PDILT: variants seen among roughly 807,000 people sequenced by gnomAD.
The protein encoded by PDILT is protein disulfide-isomerase-like protein of the testis.
A neutral mutation model predicts 53.7 loss-of-function variants in PDILT; 43 were observed. The ratio of observed to expected loss-of-function variants is 0.80; its 90% CI spans 0.63 to 1.03. The LOEUF is 1.03. PDILT is among the 50% of genes least tolerant of loss of function. The pLI is 0.00. For synonymous variants in PDILT, 282 were observed against 274.2 expected (o/e 1.03, Z -0.28); for missense variants, 727 against 712.3 (o/e 1.02, Z -0.24).
intron 5 of PDILT, among the ~76,000 whole-genome samples, chr16:20,374,161 G>A (rs947878687): frequency 2.6e-5 from 4 of 151,416 alleles, no homozygotes; most frequent in Non-Finnish European, 5.9e-5. Context: ...GGCTGGTCTC[G>A]AACCCTAGGC....
chr16:20,394,176 C>A (rs758425387), intron 2 of PDILT, among the ~76,000 whole-genome samples: 1 of 152,134 alleles, frequency 6.6e-6, no homozygotes, highest in Non-Finnish European at 1.5e-5. Context: ...CCAGTGTCCA[C>A]GGGATTTGAG....
chr16:20,399,083 G>A lies in PDILT; in HGVS notation c.202+16C>T. ...CATCCCATCTATCATCCATCACCCA[G>A]GATGGGGGCACTCACGGAAAAGCAC... On this transcript the variant is annotated intron_variant, in intron 2 of 11. Coordinates refer to ENST00000302451, the MANE Select transcript of PDILT (RefSeq NM_174924.2). 1.2e-6 allele frequency: 2 copies of A among 1,614,066 alleles called. No individual in the cohort carries two copies. The highest frequency in any genetic ancestry group is 1.7e-6 in the Non-Finnish European group (2 of 1,179,910).
At chr16:20,390,034 A>C (rs946111983) in intron 2 of PDILT, among the ~76,000 whole-genome samples, 1 of 152,134 alleles carries the variant, frequency 6.6e-6, no homozygotes, top group African/African-American at 2.4e-5. Context: ...ATCTAGTCAA[A>C]TGTCCGTAGG....
In PDILT at chr16:20,393,799, G is replaced by A. The variant is rs139524629; in HGVS notation, c.202+5300C>T. Among the ~76,000 whole-genome samples, 775 of 152,310 alleles carry A rather than the reference G, an allele frequency of 5.1e-3. 15 individuals are homozygous for A. Among genetic ancestry groups the A allele is most frequent in the Admixed American group, 0.04 (612 of 15,298 alleles). On this transcript the variant is annotated intron_variant, in intron 2 of 11. Transcript: ENST00000302451. The stretch of plus-strand genomic sequence containing the variant: ...AGGAATATGGCAAATTGATAAGCAT[G>A]TTCTCTGACCACAAGGAAAAATCAC...
At chr16:20,374,062 G>A (rs976449944) in intron 5 of PDILT, among the ~76,000 whole-genome samples, 1 of 151,938 alleles carries the variant, frequency 6.6e-6, no homozygotes, top group South Asian at 2.1e-4. Context: ...TCCTGCCTGA[G>A]CTTGCTGAGT....
At chr16:20,393,231 G>C (rs1966626658) in intron 2 of PDILT, among the ~76,000 whole-genome samples, 1 of 152,160 alleles carries the variant, frequency 6.6e-6, no homozygotes, top group Non-Finnish European at 1.5e-5. Context: ...GGGATGTGCA[G>C]AACTAGCTGG....
intron 3 of PDILT, among the ~76,000 whole-genome samples, chr16:20,380,889 G>A (rs1242850228): frequency 3.3e-5 from 5 of 152,214 alleles, no homozygotes; most frequent in African/African-American, 7.2e-5. Context: ...CTGTGGGACC[G>A]AGGTAGTTAT....
intron 8 of PDILT, among the ~76,000 whole-genome samples, chr16:20,365,995 C>A (rs1966186128): frequency 6.8e-6 from 1 of 147,508 alleles, no homozygotes; most frequent in South Asian, 2.1e-4. Context: ...GAGGCTGAGG[C>A]AAGAGAATTG....
rs1567320279 is a variant in PDILT at position 20,366,961 on chromosome 16, TTCCTTCCTTCCTTCCTTCCTTC to T, written c.1117-1443_1117-1422del. Among the ~76,000 whole-genome samples, 98 of 143,622 alleles carry T rather than the reference TTCCTTCCTTCCTTCCTTCCTTC, an allele frequency of 6.8e-4. 3 individuals are homozygous for T. The highest frequency in any genetic ancestry group is 2.1e-3 in the African/African-American group (79 of 37,264). The allele number at this position is 143,622 out of a possible 152,430, so 94.2% of individuals were successfully genotyped here. ...TTTCCTTCCTTCCTTCCTTCCTTCC[TTCCTTCCTTCCTTCCTTCCTTC>T]CTTCCTTTCTTTCTTTCTTTATTTA... On this transcript the variant is annotated intron_variant, in intron 8 of 11. Coordinates refer to ENST00000302451, the MANE Select transcript of PDILT (RefSeq NM_174924.2).
rs776061014 is a variant in PDILT, at chr16:20,399,248, ACAG to A, written c.50_52del (p.Ala17del). On this transcript the variant is annotated inframe_deletion, in exon 2 of 12. Coordinates refer to ENST00000302451, the MANE Select transcript of PDILT (RefSeq NM_174924.2). ...GGCGTTAACCTCTGGTGAGCTGTGG[ACAG>A]CAGAGACACAAGCGGCCACCAGCAG... 2 of 1,614,096 alleles carry A rather than the reference ACAG, an allele frequency of 1.2e-6. No homozygotes were observed. The highest frequency in any genetic ancestry group is 1.7e-6 in the Non-Finnish European group (2 of 1,179,942).
chr16:20,372,492 C>T (rs1460946791), intron 7 of PDILT, among the ~76,000 whole-genome samples: 1 of 152,168 alleles, frequency 6.6e-6, no homozygotes, highest in Non-Finnish European at 1.5e-5. Flanking sequence ...ATGGAGTCCA[C>T]TTAGTGGTCC....
At chr16:20,383,817 C>A (rs1360553664) in intron 3 of PDILT, among the ~76,000 whole-genome samples, 4 of 152,184 alleles carry the variant, frequency 2.6e-5, no homozygotes, top group Non-Finnish European at 4.4e-5. Flanking sequence ...TCCTTCCATC[C>A]ATTTATCCAT....
At chr16:20,377,876 C>T (rs1966408328) in intron 3 of PDILT, among the ~76,000 whole-genome samples, 1 of 152,058 alleles carries the variant, frequency 6.6e-6, no homozygotes, top group Admixed American at 6.5e-5. Context: ...ATCGCTTGAA[C>T]CCAGGAGGTG....
chr16:20,402,327 C>T (rs1966753649), intron 1 of PDILT, among the ~76,000 whole-genome samples: 1 of 149,144 alleles, frequency 6.7e-6, no homozygotes, highest in Non-Finnish European at 1.5e-5. Flanking sequence ...GAGACAGGGT[C>T]TCGCTCTGTC....
At chr16:20,396,980 CTTG>C (rs746568832) in intron 2 of PDILT, among the ~76,000 whole-genome samples, 2 of 152,192 alleles carry the variant, frequency 1.3e-5, no homozygotes, top group Non-Finnish European at 2.9e-5. Context: ...AATTATTAAC[CTTG>C]TTGTACAGGT....
At chr16:20,391,057 A>G (rs937069173) in intron 2 of PDILT, 1 of 153,900 alleles carries the variant, frequency 6.5e-6, no homozygotes, top group African/African-American at 2.4e-5. Context: ...TGTCATTATC[A>G]TCAGCATAGT....
At chr16:20,377,751 G>A (rs535692476) in intron 3 of PDILT, among the ~76,000 whole-genome samples, 2 of 152,040 alleles carry the variant, frequency 1.3e-5, no homozygotes, top group Non-Finnish European at 2.9e-5. Flanking sequence ...TCAGGAGATC[G>A]AGACAATCCT....
chr16:20,366,936 T>TTTCCTTCCTTCCTTCC lies in PDILT; in HGVS notation c.1117-1412_1117-1397dup, dbSNP rs554919222. On this transcript the variant is annotated intron_variant, in intron 8 of 11. Coordinates refer to ENST00000302451, the MANE Select transcript of PDILT (RefSeq NM_174924.2). ...TCATTGCTCTTAGGAAACCAAATTC[T>TTTCCTTCCTTCCTTCC]TTCCTTCCTTCCTTCCTTCCTTCCT... Among the ~76,000 whole-genome samples, 7 of 35,668 alleles carry TTTCCTTCCTTCCTTCC rather than the reference T, an allele frequency of 2.0e-4. 1 individual carries two copies. The East Asian group carries it at 2.0e-3, about 10-fold the overall frequency. 23.4% of individuals were successfully genotyped at this position (35,668 alleles called of 152,430 possible).
chr16:20,392,775 A>T (rs7202952), intron 2 of PDILT, among the ~76,000 whole-genome samples: 4 of 152,092 alleles, frequency 2.6e-5, no homozygotes, highest in African/African-American at 9.7e-5. Context: ...TGGTTGTGTC[A>T]AATGCAATTC....
Sources: allele counts gnomAD v4.1 joint callset (sites outside exome capture counted in the v4.1 genomes callset), GRCh38; gene constraint gnomAD v4.1.1; transcripts MANE v1.5; gene names NCBI Gene and HGNC (gene_info 2026-07-23, HGNC 2026-07-21).